MYO9B: variants seen among roughly 807,000 people sequenced by gnomAD.
The protein encoded by MYO9B is unconventional myosin-IXb.
MYO9B carries 71 observed loss-of-function variants against 229.5 expected under a neutral mutation model. The ratio of observed to expected loss-of-function variants is 0.31; its 90% confidence interval spans 0.26 to 0.38. The LOEUF is 0.38. MYO9B is among the 10% of genes least tolerant of loss of function. MYO9B has a pLI of 1.00. For synonymous variants in MYO9B, 1,185 were observed against 1,235.8 expected (o/e 0.96, Z 0.86); for missense variants, 2,255 against 2,920.5 (o/e 0.77, Z 5.25).
intron 33 of MYO9B, 126 bp from the exon 34 acceptor site, chr19:17,206,553 G>C: frequency 7.7e-7 from 1 of 1,296,478 alleles, no homozygotes; most frequent in Admixed American, 2.1e-5. Context: ...CACCTCTGTA[G>C]CCATCCATTC....
chr19:17,172,959 T>C lies in MYO9B; in HGVS notation c.2136T>C (p.Ala712=), dbSNP rs192697428. 3,702 of 1,597,648 alleles carry C rather than the reference T, an allele frequency of 2.3e-3. 5 individuals are homozygous for C. Among genetic ancestry groups the C allele is most frequent in the Non-Finnish European group, 2.8e-3 (3,281 of 1,179,368 alleles). The change falls in exon 13 of 40, where the codon GCT becomes GCC. Residue 712 remains alanine, a synonymous_variant. Coordinates refer to ENST00000682292, the MANE Select transcript of MYO9B (RefSeq NM_004145.4). This position sits in a 1 kb window ranked among gnomAD's most constrained non-coding sequence, Gnocchi z 8.2. ...GRLRAERAEK[A]AGMSSPGAQS... ...TGCGGGCCGAGAGGGCCGAAAAGGCTGCAGGTGGGAGCTGGGGCGTGAACC... is the reference window on the plus strand; with the variant it reads ...TGCGGGCCGAGAGGGCCGAAAAGGCCGCAGGTGGGAGCTGGGGCGTGAACC...
chr19:17,096,969 C>T (rs868562782), intron 1 of MYO9B, among the ~76,000 whole-genome samples: 3 of 146,846 alleles, frequency 2.0e-5, no homozygotes, highest in African/African-American at 4.9e-5. Flanking sequence ...GGATTACAGG[C>T]GTGAGCCACC....
rs200591309 is a variant in MYO9B, at chr19:17,102,488, C to T, written c.771C>T (p.Thr257=). ...CCAACTTCCTCATCCACTGCCTCAC[C>T]GCCCTCAGCCAGAAGGGCTACGCCA... The part of the protein sequence containing the change: ...QSTNFLIHCL[T]ALSQKGYASG... The change falls in exon 2 of 40, where the codon ACC becomes ACT. Residue 257 remains threonine (T), a synonymous_variant. Transcript: ENST00000682292. 1.9e-5 allele frequency: 31 copies of T among 1,613,608 alleles called. No homozygotes were observed. The highest frequency in any genetic ancestry group is 2.5e-5 in the Non-Finnish European group (29 of 1,179,772).
intron 11 of MYO9B, among the ~76,000 whole-genome samples, chr19:17,169,413 A>C (rs1432157125): frequency 6.7e-6 from 1 of 150,032 alleles, no homozygotes; most frequent in Non-Finnish European, 1.5e-5. Flanking sequence ...CTACAAAAAA[A>C]TTTTTAACCA....
intron 2 of MYO9B, among the ~76,000 whole-genome samples, chr19:17,119,716 A>G (rs2057943105): frequency 6.6e-6 from 1 of 152,116 alleles, no homozygotes; most frequent in Admixed American, 6.6e-5. Flanking sequence ...CAGTGGCGCA[A>G]TCTCAGCTCA....
intron 31 of MYO9B, among the ~76,000 whole-genome samples, 155 bp downstream of exon 31, chr19:17,205,491 C>T (rs932910047): frequency 1.3e-5 from 2 of 152,148 alleles, no homozygotes; most frequent in Non-Finnish European, 2.9e-5. Context: ...CCATTGTCCC[C>T]GGTTCTGTAC....
chr19:17,095,172 C>T (rs1444056658), intron 1 of MYO9B, among the ~76,000 whole-genome samples: 5 of 151,982 alleles, frequency 3.3e-5, no homozygotes, highest in Admixed American at 6.6e-5. Flanking sequence ...GAACCCAGGA[C>T]GTGAAGGTTA....
chr19:17,125,133 C>G (rs575144738), intron 2 of MYO9B, among the ~76,000 whole-genome samples: 1 of 152,142 alleles, frequency 6.6e-6, no homozygotes, highest in South Asian at 2.1e-4. Context: ...AACCCCATCT[C>G]TACCAAAAAT....
At chr19:17,200,981 G>A (rs1416118973) in intron 26 of MYO9B, among the ~76,000 whole-genome samples, 152 bp downstream of exon 26, 4 of 152,240 alleles carry the variant, frequency 2.6e-5, no homozygotes, top group Non-Finnish European at 5.9e-5. Context: ...GTTCATGTTT[G>A]TCATCCCAGC....
intron 14 of MYO9B, among the ~76,000 whole-genome samples, chr19:17,177,019 G>T (rs1355842506): frequency 1.3e-5 from 2 of 152,032 alleles, no homozygotes; most frequent in Non-Finnish European, 2.9e-5. Flanking sequence ...TGGCCAACAT[G>T]GTGAAACCTC....
Position 17,163,031 on chromosome 19 carries a change from T to C in MYO9B, c.1580T>C (p.Phe527Ser), listed in dbSNP as rs775353219. ...GVLDIFGFED[F>S]ERNSFEQFCI... is the part of the protein sequence containing the mutation. The stretch of plus-strand genomic sequence containing the variant: ...CTGGACATCTTCGGGTTTGAAGACT[T>C]CGAGAGGAACAGCTTTGAGCAGTTC... Residue 527 changes from phenylalanine (F) to serine (S), a missense_variant, in exon 10 of 40, where the codon TTC (phenylalanine) becomes TCC (serine). By Grantham distance (155) the Phe-to-Ser change is radical. This residue lies in a region of MYO9B where 220 missense variants were observed against 404.5 expected (regional missense o/e 0.54). Transcript: ENST00000682292. 6.2e-7 allele frequency: 1 copy of C among 1,607,634 alleles called. No individual in the cohort carries two copies. The highest frequency in any genetic ancestry group is 1.1e-5 in the South Asian group (1 of 89,546).
chr19:17,116,258 G>A (rs1568670131), intron 2 of MYO9B, among the ~76,000 whole-genome samples: 1 of 152,188 alleles, frequency 6.6e-6, no homozygotes, highest in Non-Finnish European at 1.5e-5. Context: ...GGAACCTGTG[G>A]GCCCAGAGTC....
intron 2 of MYO9B, among the ~76,000 whole-genome samples, chr19:17,141,600 G>A (rs56089672): frequency 0.018 from 2,787 of 152,042 alleles, 36 homozygotes; most frequent in Non-Finnish European, 0.028. Context: ...CCCACCTTCC[G>A]CCAGCCACCA....
At position 17,132,178 on chromosome 19, in the gene MYO9B, C is replaced by CTTTTTTTTTTTTT. The variant is rs60927116; in HGVS notation, c.841-13206_841-13194dup. 3.0e-3 allele frequency among the ~76,000 whole-genome samples: 233 copies of CTTTTTTTTTTTTT among 78,436 alleles called. 2 individuals are homozygous for CTTTTTTTTTTTTT. The highest frequency in any genetic ancestry group is 3.2e-3 in the African/African-American group (56 of 17,714). 51.5% of individuals were successfully genotyped at this position (78,436 alleles called of 152,430 possible). A position where few individuals can be genotyped will look rare whatever the true frequency, so the allele number is the denominator to read the frequency against. ...CCACTGTGCCTGGCTTATTTTATTT[C>CTTTTTTTTTTTTT]TTTTTTTTTTTTTTTTTTTTTTTTT... On this transcript the variant is annotated intron_variant, in intron 2 of 39. Coordinates refer to ENST00000682292, the MANE Select transcript of MYO9B (RefSeq NM_004145.4).
intron 2 of MYO9B, among the ~76,000 whole-genome samples, chr19:17,118,422 G>A (rs1242492893): frequency 1.3e-5 from 2 of 151,954 alleles, no homozygotes; most frequent in Non-Finnish European, 2.9e-5. Flanking sequence ...ACAACATAGC[G>A]AGAGCCTGTC....
At chr19:17,173,987 C>CA (rs1213374053) in intron 13 of MYO9B, among the ~76,000 whole-genome samples, 2 of 150,854 alleles carry the variant, frequency 1.3e-5, no homozygotes, top group Non-Finnish European at 2.9e-5. Context: ...CACAGTTACC[C>CA]ACCCAACTTT....
At chr19:17,116,153 T>C (rs10854156) in intron 2 of MYO9B, among the ~76,000 whole-genome samples, 150,688 of 152,262 alleles carry the variant, frequency 0.99, 74,689 homozygotes, top group Non-Finnish European at 1. Context: ...CCCCATCTCT[T>C]GAAGGGTTTC....
At chr19:17,211,058 A>G (rs1275462452) in intron 38 of MYO9B, among the ~76,000 whole-genome samples, 1 of 133,588 alleles carries the variant, frequency 7.5e-6, no homozygotes, top group African/African-American at 2.9e-5. Context: ...ATCTCGGCTC[A>G]CTGCAACCTC....
chr19:17,207,449 A>G, intron 35 of MYO9B: 1 of 412,270 alleles, frequency 2.4e-6, no homozygotes, highest in Non-Finnish European at 4.1e-6. Flanking sequence ...CCTGGGCAAC[A>G]TAGCAAGACC....
Sources: gnomAD v4.1 joint callset for allele counts (sites outside exome capture counted in the v4.1 genomes callset) on GRCh38, gnomAD v4.1.1 for gene constraint, gnomAD v4.1.1 regional missense constraint, Gnocchi (gnomAD v3.1) non-coding constraint, MANE v1.5 for transcripts, NCBI Gene and HGNC (gene_info 2026-07-23, HGNC 2026-07-21) for gene names.